Variants in SLC9A9 observed in about 807,000 individuals in gnomAD.
SLC9A9 encodes sodium/hydrogen exchanger 9.
SLC9A9 carries 62 observed loss-of-function variants against 77.8 expected under a neutral mutation model. The observed-to-expected ratio is 0.80, with a 90% CI of 0.65 to 0.98. The LOEUF is 0.98. Ranked by LOEUF, SLC9A9 falls within the 50% of genes least tolerant of loss-of-function variation. SLC9A9 has a pLI of 0.00. For synonymous variants in SLC9A9, 320 were observed against 283.5 expected (o/e 1.13, Z -1.29); for missense variants, 775 against 774.9 (o/e 1.00, Z 0.00).
chr3:143,777,968 C>G (rs1397648410), intron 4 of SLC9A9, among the ~76,000 whole-genome samples: 2 of 134,748 alleles, frequency 1.5e-5, no homozygotes, highest in Admixed American at 9.0e-5. Flanking sequence ...CCGCCTTGGC[C>G]TCCCAAACTG....
chr3:143,811,744 C>T (rs531975980), intron 2 of SLC9A9: 150 of 454,622 alleles, frequency 3.3e-4, no homozygotes, highest in Admixed American at 1.8e-3. Context: ...CGCCTGTAAT[C>T]CCAGCTACTC....
intron 12 of SLC9A9, among the ~76,000 whole-genome samples, chr3:143,420,954 C>A (rs2034287606): frequency 1.3e-5 from 2 of 152,044 alleles, no homozygotes; most frequent in African/African-American, 4.8e-5. Context: ...AATACAAAAT[C>A]AATGTACAAA....
At chr3:143,732,276 A>G (rs1934824918) in intron 4 of SLC9A9, among the ~76,000 whole-genome samples, 1 of 152,220 alleles carries the variant, frequency 6.6e-6, no homozygotes, top group Non-Finnish European at 1.5e-5. Context: ...AAAAATCCAC[A>G]AATTCCTTAG....
chr3:143,815,175 A>T (rs1020298113), intron 2 of SLC9A9, among the ~76,000 whole-genome samples: 5 of 152,254 alleles, frequency 3.3e-5, no homozygotes, highest in African/African-American at 1.2e-4. Flanking sequence ...TAATGCTTTT[A>T]AAATGGGGAG....
At chr3:143,386,416 G>A (rs2033427592) in intron 12 of SLC9A9, among the ~76,000 whole-genome samples, 1 of 152,196 alleles carries the variant, frequency 6.6e-6, no homozygotes, top group Non-Finnish European at 1.5e-5. Context: ...TACCTGGGTT[G>A]AAAAATGTGG....
chr3:143,350,488 C>T (rs2032417872), intron 14 of SLC9A9, among the ~76,000 whole-genome samples: 1 of 152,172 alleles, frequency 6.6e-6, no homozygotes. Flanking sequence ...GTCTCTCCTC[C>T]CTGGCCAACC....
chr3:143,775,264 A>G (rs2007653320), intron 4 of SLC9A9, among the ~76,000 whole-genome samples: 1 of 152,220 alleles, frequency 6.6e-6, no homozygotes, highest in South Asian at 2.1e-4. Flanking sequence ...CAATGCTTAT[A>G]TAGTGTTTGG....
At chr3:143,334,462 A>G (rs2031865040) in intron 14 of SLC9A9, among the ~76,000 whole-genome samples, 1 of 152,232 alleles carries the variant, frequency 6.6e-6, no homozygotes, top group Non-Finnish European at 1.5e-5. Context: ...CTATCTCATA[A>G]TGAATAGGAG....
intron 9 of SLC9A9, among the ~76,000 whole-genome samples, chr3:143,521,449 C>CAA (rs1380993667): frequency 6.6e-6 from 1 of 152,086 alleles, no homozygotes; most frequent in Non-Finnish European, 1.5e-5. Context: ...ATGTATAATT[C>CAA]AATAACAAGT....
intron 6 of SLC9A9, among the ~76,000 whole-genome samples, chr3:143,616,094 A>G (rs2038101420): frequency 6.6e-6 from 1 of 152,060 alleles, no homozygotes; most frequent in African/African-American, 2.4e-5. Flanking sequence ...TATCTTAGCC[A>G]GGATGGTCTC....
chr3:143,280,949 T>C (rs1468350321), intron 14 of SLC9A9, among the ~76,000 whole-genome samples: 4 of 152,228 alleles, frequency 2.6e-5, no homozygotes, highest in Non-Finnish European at 4.4e-5. Context: ...CACTTAGATA[T>C]ATTCTGTTCC....
chr3:143,708,486 T>C (rs2108794503), intron 4 of SLC9A9, among the ~76,000 whole-genome samples: 1 of 152,312 alleles, frequency 6.6e-6, no homozygotes, highest in South Asian at 2.1e-4. Context: ...CTTTCCTCTC[T>C]GGGTATCCCA....
intron 13 of SLC9A9, among the ~76,000 whole-genome samples, chr3:143,380,737 A>G (rs1024402825): frequency 6.6e-6 from 1 of 152,218 alleles, no homozygotes; most frequent in African/African-American, 2.4e-5. Flanking sequence ...AAAAAACCTC[A>G]AAGTACATGA....
intron 14 of SLC9A9, among the ~76,000 whole-genome samples, chr3:143,304,632 T>G (rs1559859934): frequency 6.6e-6 from 1 of 152,232 alleles, no homozygotes; most frequent in Non-Finnish European, 1.5e-5. Context: ...CCAAGATCTA[T>G]CTTCAGAAAA....
intron 2 of SLC9A9, among the ~76,000 whole-genome samples, chr3:143,799,831 G>A (rs1161948043): frequency 6.6e-6 from 1 of 152,160 alleles, no homozygotes; most frequent in African/African-American, 2.4e-5. Context: ...CTCTCACAGT[G>A]GAGGGTAAGT....
At chr3:143,578,769 T>A (rs542680024) in intron 6 of SLC9A9, 46 bp from the exon 7 acceptor site, 1 of 1,611,882 alleles carries the variant, frequency 6.2e-7, no homozygotes. Flanking sequence ...TTTCATCTCA[T>A]AGCCCAGATA....
chr3:143,625,338 G>A (rs1576618893), intron 6 of SLC9A9, among the ~76,000 whole-genome samples: 1 of 152,280 alleles, frequency 6.6e-6, no homozygotes. Context: ...CAAAGCTGGA[G>A]GCATCATGCT....
In SLC9A9 at chr3:143,593,070, A is replaced by C. The variant is rs75954898; in HGVS notation, c.756-14347T>G. On this transcript the variant is annotated intron_variant, in intron 6 of 15. Coordinates refer to ENST00000316549, the MANE Select transcript of SLC9A9 (RefSeq NM_173653.4). The stretch of plus-strand genomic sequence containing the variant: ...GATGGGTTAAAAGGAGAGAATTAAA[A>C]AAAAATTTGGAATGCATATGCCTTT... Among the ~76,000 whole-genome samples, 833 of 152,302 alleles carry C rather than the reference A, an allele frequency of 5.5e-3. 9 individuals carry two copies. Among genetic ancestry groups the C allele is most frequent in the African/African-American group, 0.019 (792 of 41,556 alleles).
chr3:143,466,637 C>A (rs975370998), intron 12 of SLC9A9, among the ~76,000 whole-genome samples: 2 of 152,240 alleles, frequency 1.3e-5, no homozygotes, highest in African/African-American at 4.8e-5. Flanking sequence ...AATTAAAAAA[C>A]AATAAATTCA....
Sources: gnomAD v4.1 joint callset for allele counts (sites outside exome capture counted in the v4.1 genomes callset) on GRCh38, gnomAD v4.1.1 for gene constraint, MANE v1.5 for transcripts, NCBI Gene and HGNC (gene_info 2026-07-23, HGNC 2026-07-21) for gene names.